The following RTTN variants were observed in gnomAD, a reference collection of about 807,000 sequenced individuals.
RTTN encodes the protein rotatin.
In RTTN, 182 loss-of-function variants were observed where a neutral mutation model predicts 269.2. The ratio of observed to expected loss-of-function variants is 0.68; its 90% CI spans 0.60 to 0.76. The LOEUF (loss-of-function observed/expected upper bound fraction) is 0.76. Ranked by LOEUF, RTTN falls within the 30% of genes least tolerant of loss-of-function variation. The pLI is 0.00. For synonymous variants in RTTN, 1,006 were observed against 963.5 expected (o/e 1.04, Z -0.82); for missense variants, 2,545 against 2,608.6 (o/e 0.98, Z 0.53).
chr18:70,181,829 C>A (rs1376870257), intron 10 of RTTN, among the ~76,000 whole-genome samples: 1 of 152,040 alleles, frequency 6.6e-6, no homozygotes, highest in East Asian at 1.9e-4. Flanking sequence ...AAAAGTAAAT[C>A]AAATATAATT....
intron 35 of RTTN, chr18:70,061,357 G>A (rs1332788855): frequency 2.4e-5 from 11 of 455,924 alleles, no homozygotes; most frequent in South Asian, 7.7e-5. Context: ...TTCTTTCCTC[G>A]TCCAAGCTCT....
intron 34 of RTTN, among the ~76,000 whole-genome samples, chr18:70,067,023 T>C (rs77287562): frequency 0.036 from 5,467 of 152,210 alleles, 334 homozygotes; most frequent in African/African-American, 0.12. Context: ...AGCTAAAAAA[T>C]GTAGGCTAAG....
intron 28 of RTTN, among the ~76,000 whole-genome samples, chr18:70,105,088 C>T (rs1432331742): frequency 6.6e-6 from 1 of 152,112 alleles, no homozygotes; most frequent in Non-Finnish European, 1.5e-5. Context: ...TATGCCCTGC[C>T]CCCAGAAGTG....
intron 11 of RTTN, among the ~76,000 whole-genome samples, chr18:70,170,077 G>A (rs939181240): frequency 5.3e-5 from 8 of 152,160 alleles, no homozygotes; most frequent in Admixed American, 3.3e-4. Context: ...TAGTAAAACA[G>A]CAGCTATTAG....
intron 11 of RTTN, among the ~76,000 whole-genome samples, chr18:70,173,604 T>C (rs2061205751): frequency 6.6e-6 from 1 of 151,710 alleles, no homozygotes. Flanking sequence ...GCATAAGGAA[T>C]AGTTTTCTAG....
chr18:70,013,703 C>A (rs1004391754), intron 46 of RTTN, among the ~76,000 whole-genome samples: 4 of 151,956 alleles, frequency 2.6e-5, no homozygotes, highest in Non-Finnish European at 5.9e-5. Flanking sequence ...TTGAATATTA[C>A]CTTCTTAATA....
chr18:70,019,237 G>C (rs2056632775), intron 45 of RTTN: 1 of 152,132 alleles, frequency 6.6e-6, no homozygotes, highest in South Asian at 2.1e-4. Context: ...GAAGCTGAAA[G>C]AGAATAGGTC....
chr18:70,193,423 T>C lies in RTTN; in HGVS notation c.872A>G (p.Tyr291Cys). 6.4e-7 allele frequency: 1 copy of C among 1,552,402 alleles called. No homozygotes were observed. The highest frequency in any genetic ancestry group is 8.7e-7 in the Non-Finnish European group (1 of 1,153,210). The change falls in exon 8 of 49, where the codon TAT becomes TGT. Residue 291 changes from tyrosine to cysteine, a missense_variant. By Grantham distance (194) the Tyr-to-Cys change is radical. Transcript: ENST00000640769. The part of the protein sequence containing the change: ...DTVSQNSSLS[Y>C]CHEARGTHHS... ...ATGAGTACCTCTTGCTTCATGACAATAAGACAAAGAAGAATTTTGGGAAAC... is the reference window on the plus strand; with the variant it reads ...ATGAGTACCTCTTGCTTCATGACAACAAGACAAAGAAGAATTTTGGGAAAC...
At chr18:70,138,398 A>T (rs2060176202) in intron 21 of RTTN, 1 of 152,202 alleles carries the variant, frequency 6.6e-6, no homozygotes, top group African/African-American at 2.4e-5. Flanking sequence ...TGAAATAGAA[A>T]AACTGAAATA....
intron 28 of RTTN, among the ~76,000 whole-genome samples, chr18:70,108,101 AC>A (rs57837317): frequency 2.6e-5 from 4 of 152,226 alleles, no homozygotes; most frequent in African/African-American, 9.6e-5. Flanking sequence ...ACCTGGTGAA[AC>A]CCTGTCTCTA....
chr18:70,050,719 A>G (rs2057637067), intron 39 of RTTN, among the ~76,000 whole-genome samples: 1 of 152,246 alleles, frequency 6.6e-6, no homozygotes, highest in Non-Finnish European at 1.5e-5. Flanking sequence ...CAGCACATAT[A>G]CACCATGGAA....
intron 14 of RTTN, among the ~76,000 whole-genome samples, chr18:70,162,834 T>C (rs1285008335): frequency 6.9e-6 from 1 of 144,564 alleles, no homozygotes; most frequent in Non-Finnish European, 1.5e-5. Flanking sequence ...CAGCACACAA[T>C]TTACCCATGT....
intron 46 of RTTN, among the ~76,000 whole-genome samples, chr18:70,011,955 T>C (rs1488920085): frequency 6.6e-6 from 1 of 150,980 alleles, no homozygotes; most frequent in Non-Finnish European, 1.5e-5. Context: ...TGGTATTGGT[T>C]ACAGGGCAGC....
rs1405948437 is a variant in RTTN, at chr18:70,017,621, T to A, written c.6207A>T (p.Lys2069Asn). The A allele has an allele frequency of 4.3e-6, 7 of 1,613,760 alleles. No homozygotes were observed. The highest frequency in any genetic ancestry group is 2.2e-5 in the East Asian group (1 of 44,850). ...AAAGAATAGTCAGATTACTTAGATG[T>A]TTATTTCCTCCTTTTGGCAATGCTA... ...LSLALPKGGN[K>N]HLSNLTILWL... The change falls in exon 46 of 49, where the codon AAA (lysine) becomes AAT (asparagine). Residue 2069 changes from lysine to asparagine, a missense_variant. Lys to Asn is a moderately conservative substitution (Grantham distance 94, BLOSUM62 0). Coordinates refer to ENST00000640769, the MANE Select transcript of RTTN (RefSeq NM_173630.4).
At chr18:70,080,935 C>A (rs1164218438) in intron 32 of RTTN, among the ~76,000 whole-genome samples, 1 of 10,788 alleles carries the variant, frequency 9.3e-5, no homozygotes, top group African/African-American at 9.9e-5. Flanking sequence ...GTATCACACA[C>A]ACACACACAC....
intron 21 of RTTN, among the ~76,000 whole-genome samples, chr18:70,135,663 A>G (rs1346069242): frequency 6.6e-6 from 1 of 152,150 alleles, no homozygotes; most frequent in Admixed American, 6.5e-5. Context: ...AATTCTAGCT[A>G]AAGTTTCCTC....
Position 70,199,802 on chromosome 18 carries a change from T to C in RTTN, c.488-298A>G, listed in dbSNP as rs552399437. Among the ~76,000 whole-genome samples the C allele has an allele frequency of 8.5e-5, 13 of 152,340 alleles. No homozygotes were observed. The South Asian group carries it at 2.5e-3, about 29-fold the overall frequency. On this transcript the variant is annotated intron_variant, in intron 4 of 48. Transcript: ENST00000640769. ...TGAAGTTTCCATTAAATTTTCTATT[T>C]TACCCTGTGGCTGACCAGAACATCA...
At chr18:70,052,567 A>G (rs2057700181) in intron 38 of RTTN, among the ~76,000 whole-genome samples, 1 of 151,514 alleles carries the variant, frequency 6.6e-6, no homozygotes, top group African/African-American at 2.4e-5. Context: ...TTAAATTAAA[A>G]ATTAAAGACC....
At chr18:70,033,061 A>G (rs2057064245) in intron 40 of RTTN, among the ~76,000 whole-genome samples, 1 of 152,228 alleles carries the variant, frequency 6.6e-6, no homozygotes, top group Non-Finnish European at 1.5e-5. Context: ...TAGATCCTTC[A>G]TGAATGGTTT....
Sources: gnomAD v4.1 joint callset for allele counts (sites outside exome capture counted in the v4.1 genomes callset) on GRCh38, gnomAD v4.1.1 for gene constraint, MANE v1.5 for transcripts, NCBI Gene and HGNC (gene_info 2026-07-23, HGNC 2026-07-21) for gene names.